The following ADGRL3 variants were observed in gnomAD, a reference collection of about 807,000 sequenced individuals.
ADGRL3 encodes the protein adhesion G protein-coupled receptor L3.
A neutral mutation model predicts 153.5 loss-of-function variants in ADGRL3; 62 were observed. That is an observed-to-expected ratio of 0.40 (90% CI 0.33 to 0.50). The LOEUF (loss-of-function observed/expected upper bound fraction) is 0.50, where lower values mean the gene tolerates loss of function less well. ADGRL3 is among the 20% of genes least tolerant of loss of function. The pLI is 0.47. For missense variants in ADGRL3, 1,641 were observed against 1,859.4 expected, an observed-to-expected ratio of 0.88 and a Z score of 2.16; for synonymous variants, 710 against 672.5, an observed-to-expected ratio of 1.06 and a Z score of -0.86.
At chr4:61,575,339 G>C (rs1375729372) in intron 4 of ADGRL3, among the ~76,000 whole-genome samples, 1 of 151,926 alleles carries the variant, frequency 6.6e-6, no homozygotes, top group Non-Finnish European at 1.5e-5. Context: ...TTGTGTTCTA[G>C]TAATTTTGAA....
Position 62,071,482 on chromosome 4 carries a change from G to T in ADGRL3, c.*574G>T. 1 of 172,724 alleles carries T rather than the reference G, an allele frequency of 5.8e-6. No homozygotes were observed. 10.7% of individuals were successfully genotyped at this position (172,724 alleles called of 1,614,324 possible). ...ATGGAGGGGAATTCTAGAATTATAT[G>T]CTAAATGCATATTTTATGATTTGCT... On this transcript the variant is annotated 3_prime_UTR_variant, in exon 27 of 27. Transcript: ENST00000683033.
At chr4:61,805,693 A>G (rs898447512) in intron 8 of ADGRL3, among the ~76,000 whole-genome samples, 2 of 152,216 alleles carry the variant, frequency 1.3e-5, no homozygotes, top group South Asian at 2.1e-4. Flanking sequence ...ATAGTTTACT[A>G]TAATGATACA....
At chr4:61,203,904 T>A (rs1025591771) in intron 1 of ADGRL3, among the ~76,000 whole-genome samples, 2 of 70,234 alleles carry the variant, frequency 2.8e-5, no homozygotes, top group South Asian at 1.4e-3. Flanking sequence ...CTCAGCTTTG[T>A]TTCACCCAAT....
At chr4:61,878,519 G>T (rs2098489607) in intron 9 of ADGRL3, among the ~76,000 whole-genome samples, 1 of 151,992 alleles carries the variant, frequency 6.6e-6, no homozygotes, top group East Asian at 1.9e-4. Flanking sequence ...ACATTTTTTT[G>T]AACAAGCTAT....
At chr4:61,773,924 T>C (rs1043635204) in intron 8 of ADGRL3, among the ~76,000 whole-genome samples, 2 of 152,262 alleles carry the variant, frequency 1.3e-5, no homozygotes, top group Admixed American at 1.3e-4. Flanking sequence ...TGTGGGAAGG[T>C]AAATATATGC....
rs184685670 is a variant in ADGRL3 at position 61,750,514 on chromosome 4, G to A, written c.1399+16960G>A. Reference sequence around the variant, plus strand: ...ACATATATTAGAACTGAAGTCGGCCGGGCGCGGTGGCTCACGCCTGTAATC... The same window carrying A: ...ACATATATTAGAACTGAAGTCGGCCAGGCGCGGTGGCTCACGCCTGTAATC... On this transcript the variant is annotated intron_variant, in intron 8 of 26. Coordinates refer to ENST00000683033, the MANE Select transcript of ADGRL3 (RefSeq NM_001387552.1). Among the ~76,000 whole-genome samples, 165 of 152,276 alleles carry A rather than the reference G, an allele frequency of 1.1e-3. 3 individuals are homozygous for A. Among genetic ancestry groups the A allele is most frequent in the African/African-American group, 3.7e-3 (155 of 41,560 alleles).
At position 61,629,445 on chromosome 4, in the gene ADGRL3, G is replaced by A. The variant is rs553314913; in HGVS notation, c.473+42005G>A. On this transcript the variant is annotated intron_variant, in intron 5 of 26. Coordinates refer to ENST00000683033, the MANE Select transcript of ADGRL3 (RefSeq NM_001387552.1). ...TAAAAAAAAGTCCAAGTGGCCAGGC[G>A]CGGTGGTTCACGCCTGTAATCCCAG... is the stretch of plus-strand genomic sequence containing the variant. Among the ~76,000 whole-genome samples, 10 of 151,794 alleles carry A rather than the reference G, an allele frequency of 6.6e-5. No homozygotes were observed. In the South Asian group the frequency reaches 1.0e-3, roughly 16 times the overall value.
At chr4:61,781,017 C>A (rs2097206869) in intron 8 of ADGRL3, among the ~76,000 whole-genome samples, 1 of 152,098 alleles carries the variant, frequency 6.6e-6, no homozygotes, top group African/African-American at 2.4e-5. Flanking sequence ...TTTTTAATTT[C>A]TAAAATTATG....
At chr4:61,829,145 G>A (rs1159354659) in intron 9 of ADGRL3, among the ~76,000 whole-genome samples, 1 of 151,988 alleles carries the variant, frequency 6.6e-6, no homozygotes, top group Non-Finnish European at 1.5e-5. Context: ...CCTGGTGCAG[G>A]GACAATAAAT....
chr4:61,376,456 T>C (rs1435433361), intron 1 of ADGRL3, among the ~76,000 whole-genome samples: 1 of 152,046 alleles, frequency 6.6e-6, no homozygotes, highest in Non-Finnish European at 1.5e-5. Context: ...GGAGCAGGCG[T>C]TGCTGAGGAA....
At chr4:61,483,068 G>T (rs757397409) in intron 2 of ADGRL3, among the ~76,000 whole-genome samples, 3 of 152,250 alleles carry the variant, frequency 2.0e-5, no homozygotes, top group Non-Finnish European at 2.9e-5. Flanking sequence ...TTCTAAGTGA[G>T]ATATGTTTGT....
At chr4:61,908,194 T>G (rs2098704989) in intron 11 of ADGRL3, among the ~76,000 whole-genome samples, 1 of 152,056 alleles carries the variant, frequency 6.6e-6, no homozygotes, top group African/African-American at 2.4e-5. Context: ...GGAGGATGCC[T>G]TGAGCCCAGG....
intron 5 of ADGRL3, among the ~76,000 whole-genome samples, chr4:61,598,605 A>C (rs1489297803): frequency 6.6e-6 from 1 of 152,178 alleles, no homozygotes; most frequent in East Asian, 1.9e-4. Context: ...GGCACTTTTG[A>C]AAATAGTATA....
chr4:61,874,298 A>G (rs1213783530), intron 9 of ADGRL3, among the ~76,000 whole-genome samples: 1 of 152,152 alleles, frequency 6.6e-6, no homozygotes, highest in Non-Finnish European at 1.5e-5. Flanking sequence ...CACTGGTCTC[A>G]GCTCCTTGTC....
chr4:61,444,776 G>A lies in ADGRL3; in HGVS notation c.-173-52345G>A, dbSNP rs2152488184. On this transcript the variant is annotated intron_variant, in intron 2 of 26. Transcript: ENST00000683033. Reference sequence around the variant, plus strand: ...ACATTAAGAATGCTTATACTGGCTGGGCACAGTGGCTCATGCCTGTAATCC... The same window carrying A: ...ACATTAAGAATGCTTATACTGGCTGAGCACAGTGGCTCATGCCTGTAATCC... Among the ~76,000 whole-genome samples, 3 of 152,264 alleles carry A rather than the reference G, an allele frequency of 2.0e-5. 1 individual carries two copies. The highest frequency in any genetic ancestry group is 2.0e-4 in the Admixed American group (3 of 15,290).
intron 5 of ADGRL3, among the ~76,000 whole-genome samples, chr4:61,604,753 A>C (rs565723041): frequency 3.3e-5 from 5 of 152,306 alleles, no homozygotes; most frequent in Admixed American, 2.6e-4. Flanking sequence ...GAAAAACAAA[A>C]CTTGTTTTTA....
chr4:61,466,689 T>C (rs574121312), intron 2 of ADGRL3, among the ~76,000 whole-genome samples: 1 of 152,300 alleles, frequency 6.6e-6, no homozygotes, highest in South Asian at 2.1e-4. Context: ...AGGCACTCAA[T>C]AAATATTTGT....
intron 9 of ADGRL3, among the ~76,000 whole-genome samples, chr4:61,817,747 G>A (rs78690177): frequency 6.6e-6 from 1 of 152,164 alleles, no homozygotes; most frequent in African/African-American, 2.4e-5. Context: ...AAGGTGAAAG[G>A]CATATCTTAT....
chr4:61,674,146 T>TTAAATAGA (rs1225150242), intron 5 of ADGRL3, among the ~76,000 whole-genome samples: 26 of 147,442 alleles, frequency 1.8e-4, no homozygotes, highest in African/African-American at 5.5e-4. Flanking sequence ...CGATGCATTT[T>TTAAATAGA]TAGATAGATA....
Sources: allele counts gnomAD v4.1 joint callset (sites outside exome capture counted in the v4.1 genomes callset), GRCh38; gene constraint gnomAD v4.1.1; transcripts MANE v1.5; gene names NCBI Gene and HGNC (gene_info 2026-07-23, HGNC 2026-07-21).